The following SEMA3A variants were observed in gnomAD, a reference collection of about 807,000 sequenced individuals.
The protein encoded by SEMA3A is semaphorin-3A.
A neutral mutation model predicts 97.9 loss-of-function variants in SEMA3A; 29 were observed. The observed-to-expected ratio is 0.30, with a 90% CI of 0.22 to 0.40. SEMA3A has a LOEUF of 0.40. SEMA3A is among the 10% of genes least tolerant of loss of function. SEMA3A has a pLI of 1.00. For synonymous variants in SEMA3A, 321 were observed against 323.7 expected, an observed-to-expected ratio of 0.99 and a Z score of 0.09; for missense variants, 763 against 951.3, an observed-to-expected ratio of 0.80 and a Z score of 2.60.
chr7:84,259,697 T>C (rs1161109581), intron 3 of SEMA3A, among the ~76,000 whole-genome samples: 2 of 151,444 alleles, frequency 1.3e-5, no homozygotes, highest in Non-Finnish European at 2.9e-5. Flanking sequence ...GGAGGAGATA[T>C]AGATGTCACT....
chr7:84,449,053 A>G (rs1805496011), intron 1 of SEMA3A, among the ~76,000 whole-genome samples: 1 of 152,214 alleles, frequency 6.6e-6, no homozygotes, highest in Admixed American at 6.5e-5. Context: ...GAGAAAAGAC[A>G]GTATTTTCAA....
At chr7:84,253,762 A>G (rs1408740449) in intron 3 of SEMA3A, among the ~76,000 whole-genome samples, 1 of 152,130 alleles carries the variant, frequency 6.6e-6, no homozygotes, top group Non-Finnish European at 1.5e-5. Flanking sequence ...GGAGAATTGC[A>G]GAGAGGAAGT....
At chr7:84,445,465 G>C (rs1053404547) in intron 1 of SEMA3A, among the ~76,000 whole-genome samples, 2 of 104,752 alleles carry the variant, frequency 1.9e-5, no homozygotes, top group African/African-American at 3.7e-5. Context: ...CTGTACTCCA[G>C]CCTGGGCGAC....
At chr7:84,382,481 GA>G (rs796484065) in intron 1 of SEMA3A, among the ~76,000 whole-genome samples, 1 of 150,324 alleles carries the variant, frequency 6.7e-6, no homozygotes, top group South Asian at 2.1e-4. Context: ...GTGCCTACAT[GA>G]AAAAAAATCA....
rs556357557 is a variant in SEMA3A, at chr7:84,490,968, A to G, written c.-246+1492T>C. ...AATGCCAACGATTGTCGGTTAAAGT[A>G]TTTCATGAAGAATGACTGTGAAACT... On this transcript the variant is annotated intron_variant, in intron 1 of 3. Coordinates refer to the SEMA3A transcript ENST00000424555. 2.0e-5 allele frequency among the ~76,000 whole-genome samples: 3 copies of G among 152,326 alleles called. No individual in the cohort carries two copies. The East Asian group carries it at 5.8e-4, about 29-fold the overall frequency.
intron 3 of SEMA3A, among the ~76,000 whole-genome samples, chr7:84,302,558 A>G (rs1801043936): frequency 6.6e-6 from 1 of 152,188 alleles, no homozygotes; most frequent in Admixed American, 6.5e-5. Context: ...GTGCTATATT[A>G]GATGTGTATT....
chr7:84,402,667 A>G (rs1273239257), intron 1 of SEMA3A, among the ~76,000 whole-genome samples: 2 of 152,196 alleles, frequency 1.3e-5, no homozygotes, highest in African/African-American at 4.8e-5. Context: ...TAAAAAGAAT[A>G]TTATTATTAA....
intron 3 of SEMA3A, among the ~76,000 whole-genome samples, chr7:84,224,093 T>C (rs1279760719): frequency 6.6e-6 from 1 of 151,934 alleles, no homozygotes; most frequent in South Asian, 2.1e-4. Flanking sequence ...GAATTATAAT[T>C]TTCTCACACA....
chr7:84,240,349 G>A (rs1799328696), intron 3 of SEMA3A, among the ~76,000 whole-genome samples: 1 of 151,632 alleles, frequency 6.6e-6, no homozygotes, highest in African/African-American at 2.4e-5. Flanking sequence ...TAACGATCTT[G>A]AGATAAAGAA....
At chr7:84,103,653 T>G (rs968844760) in intron 4 of SEMA3A, among the ~76,000 whole-genome samples, 1 of 152,138 alleles carries the variant, frequency 6.6e-6, no homozygotes, top group African/African-American at 2.4e-5. Context: ...TTTTCTCATC[T>G]GCAGATTCAA....
intron 13 of SEMA3A, among the ~76,000 whole-genome samples, chr7:83,982,728 A>ATAGT (rs1302351143): frequency 6.6e-6 from 1 of 152,156 alleles, no homozygotes; most frequent in Admixed American, 6.5e-5. Context: ...ACATTTTCTA[A>ATAGT]TAGTTAACAA....
intron 5 of SEMA3A, among the ~76,000 whole-genome samples, chr7:84,054,848 G>T (rs1471825998): frequency 1.3e-5 from 2 of 149,578 alleles, no homozygotes; most frequent in Non-Finnish European, 3.0e-5. Context: ...TCTACTTTTG[G>T]TCTTTGATGA....
chr7:84,337,586 C>T (rs1396005861), intron 2 of SEMA3A, among the ~76,000 whole-genome samples: 1 of 152,026 alleles, frequency 6.6e-6, no homozygotes, highest in Admixed American at 6.6e-5. Flanking sequence ...TTAAAGTTCA[C>T]CAAGGAATGG....
At chr7:84,218,412 T>A (rs1044393460) in intron 3 of SEMA3A, among the ~76,000 whole-genome samples, 1 of 152,162 alleles carries the variant, frequency 6.6e-6, no homozygotes, top group African/African-American at 2.4e-5. Context: ...CATGATCTTA[T>A]CTTCTGCATT....
Position 83,994,562 on chromosome 7 carries a change from G to A in SEMA3A, c.1452+7393C>T, listed in dbSNP as rs1008585716. ...CAGGACCCTCAGCTGCAGGTCTGTT[G>A]GAATACCCTGCCGTGTGAGGTGTTA... On this transcript the variant is annotated intron_variant, in intron 12 of 16. Coordinates refer to ENST00000265362, the MANE Select transcript of SEMA3A (RefSeq NM_006080.3). Among the ~76,000 whole-genome samples, 11 of 136,856 alleles carry A rather than the reference G, an allele frequency of 8.0e-5. 1 individual carries two copies. Among genetic ancestry groups the A allele is most frequent in the Non-Finnish European group, 1.6e-4 (10 of 63,896 alleles). The allele number at this position is 136,856 out of a possible 152,430, so 89.8% of individuals were successfully genotyped here. A position where few individuals can be genotyped will look rare whatever the true frequency, so the allele number is the denominator to read the frequency against.
intron 12 of SEMA3A, among the ~76,000 whole-genome samples, chr7:83,998,052 T>A (rs1790290147): frequency 6.6e-6 from 1 of 151,912 alleles, no homozygotes; most frequent in Admixed American, 6.6e-5. Flanking sequence ...GCTACACAAA[T>A]GTCATCTAAT....
intron 3 of SEMA3A, among the ~76,000 whole-genome samples, chr7:84,251,097 C>T (rs1799596625): frequency 1.3e-5 from 2 of 152,226 alleles, no homozygotes; most frequent in South Asian, 2.1e-4. Flanking sequence ...ATAACCATTG[C>T]ATTTTTGCCA....
chr7:84,432,991 G>A (rs1307059996), intron 1 of SEMA3A, among the ~76,000 whole-genome samples: 2 of 151,412 alleles, frequency 1.3e-5, no homozygotes, highest in South Asian at 2.1e-4. Flanking sequence ...CACAATGGCT[G>A]AACTAATTTA....
chr7:84,182,061 G>T (rs1273569529), intron 1 of SEMA3A, among the ~76,000 whole-genome samples: 1 of 152,004 alleles, frequency 6.6e-6, no homozygotes, highest in Non-Finnish European at 1.5e-5. Flanking sequence ...TTAGACAAAA[G>T]CCCCTTTAAG....
Sources: allele counts gnomAD v4.1 joint callset (sites outside exome capture counted in the v4.1 genomes callset), GRCh38; gene constraint gnomAD v4.1.1; transcripts MANE v1.5; gene names NCBI Gene and HGNC (gene_info 2026-07-23, HGNC 2026-07-21).